The following COG7 variants were observed in gnomAD, a reference collection of about 807,000 sequenced individuals.
COG7 encodes conserved oligomeric Golgi complex subunit 7.
Under a neutral mutation model 91.5 loss-of-function variants are expected in COG7, and 49 were observed. The observed-to-expected ratio is 0.54, with a 90% CI of 0.43 to 0.68. COG7 has a LOEUF of 0.68. Among genes scored for constraint, COG7 ranks in the 30% least tolerant of loss-of-function variants. The probability of loss-of-function intolerance (pLI) is 0.00; values close to 1 mark genes in which losing one functional copy is unlikely to be tolerated. For missense variants in COG7, 895 were observed against 961.3 expected (o/e 0.93, Z 0.91); for synonymous variants, 365 against 388.7 (o/e 0.94, Z 0.72).
intron 5 of COG7, 135 bp downstream of exon 5, chr16:23,434,501 G>T: frequency 1.4e-6 from 1 of 727,762 alleles, no homozygotes; most frequent in Non-Finnish European, 2.5e-6. Flanking sequence ...CCCCCTACTG[G>T]CTAACTAAGA....
intron 4 of COG7, among the ~76,000 whole-genome samples, chr16:23,437,528 A>G (rs1964030407): frequency 6.6e-6 from 1 of 152,194 alleles, no homozygotes; most frequent in African/African-American, 2.4e-5. Flanking sequence ...ACAAATGAGG[A>G]AGAGAGGGAA....
intron 3 of COG7, among the ~76,000 whole-genome samples, chr16:23,443,144 ATTGTTGG>A (rs1475585524): frequency 2.0e-5 from 3 of 152,196 alleles, no homozygotes; most frequent in African/African-American, 7.2e-5. Context: ...TATAATAGCT[ATTGTTGG>A]TGAGGGTACA....
intron 1 of COG7, among the ~76,000 whole-genome samples, chr16:23,449,967 C>T (rs1348810143): frequency 6.6e-6 from 1 of 152,040 alleles, no homozygotes; most frequent in East Asian, 1.9e-4. Context: ...CAGAGTCTCA[C>T]TCTGTCACCC....
At position 23,406,156 on chromosome 16, in the gene COG7, G is replaced by A. The variant is rs769034020; in HGVS notation, c.1582C>T (p.Pro528Ser). The change falls in exon 12 of 17, where the codon CCA (proline) becomes TCA (serine). Residue 528 changes from proline to serine, a missense_variant. Transcript: ENST00000307149. ...LTDKKNSAKN[P>S]WQEYNYLQKD... ...TGGAGGTAATTATATTCTTGCCATG[G>A]GTTCTTGGCAGAGTTCTTCTTGTCT... The A allele has an allele frequency of 1.2e-6, 2 of 1,613,748 alleles. No homozygotes were observed. Among genetic ancestry groups the A allele is most frequent in the East Asian group, 4.5e-5 (2 of 44,888 alleles).
chr16:23,401,995 T>G (rs1339996058), intron 13 of COG7, among the ~76,000 whole-genome samples: 1 of 152,094 alleles, frequency 6.6e-6, no homozygotes, highest in African/African-American at 2.4e-5. Flanking sequence ...CAGCAGAGGT[T>G]GTAGTGAGCC....
intron 6 of COG7, among the ~76,000 whole-genome samples, chr16:23,430,013 G>A (rs1449809991): frequency 2.0e-5 from 3 of 152,180 alleles, no homozygotes; most frequent in Non-Finnish European, 2.9e-5. Context: ...GACCAACTGG[G>A]AAGGAGCATG....
rs1963698222 is a variant in COG7 at position 23,418,731 on chromosome 16, T to C, written c.1106A>G (p.Asn369Ser). The C allele has an allele frequency of 1.9e-6, 3 of 1,613,572 alleles. No individual in the cohort carries two copies. Among genetic ancestry groups the C allele is most frequent in the Non-Finnish European group, 8.5e-7 (1 of 1,179,630 alleles). The change falls in exon 8 of 17, where the codon AAC (asparagine) becomes AGC (serine). Residue 369 changes from asparagine to serine, a missense_variant. Coordinates refer to ENST00000307149, the MANE Select transcript of COG7 (RefSeq NM_153603.4). ...QLKYGDMEESNLLIQMSAVPL... is the reference protein window; with the variant it reads ...QLKYGDMEESSLLIQMSAVPL... ...CACAGCACTCATCTGGATGAGGAGGTTGCTCTCTTCCATGTCGCCATACTT... is the reference window on the plus strand; with the variant it reads ...CACAGCACTCATCTGGATGAGGAGGCTGCTCTCTTCCATGTCGCCATACTT...
At chr16:23,413,757 C>T (rs1303713806) in intron 9 of COG7, 193 bp from the exon 10 acceptor site, 3 of 540,594 alleles carry the variant, frequency 5.5e-6, no homozygotes, top group Admixed American at 3.1e-5. Context: ...AGACTGTCTT[C>T]ACCACCTGGT....
At position 23,392,021 on chromosome 16, in the gene COG7, G is replaced by A. The variant is rs1004648639; in HGVS notation, c.2146+359C>T. 2.0e-5 allele frequency: 24 copies of A among 1,207,674 alleles called. No homozygotes were observed. In the African/African-American group the frequency reaches 3.8e-4, roughly 19 times the overall value. The allele number at this position is 1,207,674 out of a possible 1,614,324, so 74.8% of individuals were successfully genotyped here. ...GGTGCGAGTGCTTGGTCCAGCGCCA[G>A]GCATGCCTGGTATGCAGTAAGAGCT... is the stretch of plus-strand genomic sequence containing the variant. On this transcript the variant is annotated intron_variant, in intron 16 of 16. Transcript: ENST00000307149.
intron 13 of COG7, among the ~76,000 whole-genome samples, chr16:23,402,371 T>C (rs887502066): frequency 6.6e-6 from 1 of 151,970 alleles, no homozygotes; most frequent in Non-Finnish European, 1.5e-5. Flanking sequence ...TTTTCTTGTA[T>C]TGCTTGAGTT....
rs955573265 is a variant in COG7, at chr16:23,429,759, C to T, written c.810+3786G>A. 2.4e-4 allele frequency among the ~76,000 whole-genome samples: 36 copies of T among 151,590 alleles called. 1 individual carries two copies. Among genetic ancestry groups the T allele is most frequent in the African/African-American group, 7.5e-4 (31 of 41,306 alleles). ...AGCCTCGGCAACAACAGCGAAACTCCGTCTCAAAAAAAAAAGTGTAAACAA... is the reference window on the plus strand; with the variant it reads ...AGCCTCGGCAACAACAGCGAAACTCTGTCTCAAAAAAAAAAGTGTAAACAA... On this transcript the variant is annotated intron_variant, in intron 6 of 16. Transcript: ENST00000307149.
At chr16:23,431,925 T>G (rs1430153361) in intron 6 of COG7, among the ~76,000 whole-genome samples, 1 of 152,052 alleles carries the variant, frequency 6.6e-6, no homozygotes, top group Non-Finnish European at 1.5e-5. Flanking sequence ...GAGGATTACT[T>G]GAGGCCAGGA....
chr16:23,452,981 T>G lies in COG7; in HGVS notation c.14A>C (p.Lys5Thr), dbSNP rs1264461531. 1.2e-6 allele frequency: 2 copies of G among 1,614,050 alleles called. No homozygotes were observed. The highest frequency in any genetic ancestry group is 1.3e-5 in the African/African-American group (1 of 75,056). The change falls in exon 1 of 17, where the codon AAG (lysine) becomes ACG (threonine). Residue 5 changes from lysine to threonine, a missense_variant. Physicochemically the swap from Lys to Thr is moderately conservative, Grantham distance 78 (BLOSUM62 -1). Transcript: ENST00000307149. Reference protein sequence around the residue: MDFSKFLADDFDVKE... With the variant: MDFSTFLADDFDVKE... ...CACGTCGAAGTCGTCTGCCAGGAAC[T>G]TGGAGAAGTCCATGGCGGAACTGCC...
At chr16:23,413,725 A>G (rs1963606908) in intron 9 of COG7, 161 bp from the exon 10 acceptor site, 1 of 619,746 alleles carries the variant, frequency 1.6e-6, no homozygotes, top group Admixed American at 2.6e-5. Flanking sequence ...TCTGAACACA[A>G]AAAGTTCTTC....
intron 5 of COG7, among the ~76,000 whole-genome samples, chr16:23,434,116 C>T (rs1202502823): frequency 6.6e-6 from 1 of 152,124 alleles, no homozygotes; most frequent in African/African-American, 2.4e-5. Flanking sequence ...ACCTAGAAAA[C>T]ATAAAATTCC....
chr16:23,397,212 C>G (rs1034460775), intron 14 of COG7, among the ~76,000 whole-genome samples: 2 of 152,178 alleles, frequency 1.3e-5, no homozygotes, highest in African/African-American at 4.8e-5. Context: ...CCCAGCCTAA[C>G]ATTTATAATA....
intron 16 of COG7, 82 bp downstream of exon 16, chr16:23,392,298 G>C (rs749512200): frequency 6.3e-7 from 1 of 1,598,584 alleles, no homozygotes; most frequent in South Asian, 1.1e-5. Flanking sequence ...CTTGGGATGA[G>C]ATTCCTGGAG....
In COG7 at chr16:23,420,729, ATTTCTTTTTTCTTCTTCT is replaced by A. The variant is rs946723728; in HGVS notation, c.1010-1920_1010-1903del. Among the ~76,000 whole-genome samples the A allele has an allele frequency of 2.0e-3, 303 of 152,026 alleles. 1 individual carries two copies. Among genetic ancestry groups the A allele is most frequent in the Non-Finnish European group, 3.4e-3 (234 of 67,974 alleles). On this transcript the variant is annotated intron_variant, in intron 7 of 16. Transcript: ENST00000307149. ...GCACATGTATAGAATCCAAAGTGTT[ATTTCTTTTTTCTTCTTCT>A]TTTCTTTTTTCTTCGAGACAGGATC...
At chr16:23,398,531 C>A (rs536121501) in intron 13 of COG7, among the ~76,000 whole-genome samples, 1 of 152,224 alleles carries the variant, frequency 6.6e-6, no homozygotes. Flanking sequence ...CTCACTACTT[C>A]GTGGGTCCTT....
Sources: gnomAD v4.1 joint callset for allele counts (sites outside exome capture counted in the v4.1 genomes callset) on GRCh38, gnomAD v4.1.1 for gene constraint, MANE v1.5 for transcripts, NCBI Gene and HGNC (gene_info 2026-07-23, HGNC 2026-07-21) for gene names.